DLL1: variants seen among roughly 807,000 people sequenced by gnomAD.
DLL1 encodes delta-like protein 1.
A neutral mutation model predicts 75.1 loss-of-function variants in DLL1; 9 were observed. The observed-to-expected ratio is 0.12, with a 90% CI of 0.07 to 0.21. The LOEUF is 0.21. Among genes scored for constraint, DLL1 ranks in the 10% least tolerant of loss-of-function variants. The pLI, the probability that DLL1 is intolerant of heterozygous loss-of-function variation, is 1.00. For synonymous variants in DLL1, 477 were observed against 418.3 expected (o/e 1.14, Z -1.71); for missense variants, 837 against 1,007.6 (o/e 0.83, Z 2.29).
intron 2 of DLL1, 108 bp downstream of exon 2, chr6:170,289,404 G>A: frequency 1.4e-6 from 2 of 1,472,724 alleles, no homozygotes; most frequent in Non-Finnish European, 9.1e-7. Context: ...CCTGCGCCTC[G>A]CGGGGTCCCC....
At chr6:170,284,150 C>A in intron 8 of DLL1, 121 bp from the exon 9 acceptor site, 4 of 1,280,402 alleles carry the variant, frequency 3.1e-6, no homozygotes, top group Non-Finnish European at 4.4e-6. Flanking sequence ...CAGTCTGTGG[C>A]CTGAATGAGT....
In DLL1 at chr6:170,290,869, G is replaced by C; in HGVS notation, c.-730C>G. The C allele has an allele frequency of 1.5e-6, 1 of 668,894 alleles. No homozygotes were observed. The highest frequency in any genetic ancestry group is 2.7e-6 in the Non-Finnish European group (1 of 368,426). The allele number at this position is 668,894 out of a possible 1,614,324, so 41.4% of individuals were successfully genotyped here. A position where few individuals can be genotyped will look rare whatever the true frequency, so the allele number is the denominator to read the frequency against. ...GGAGGCTCTGCGCCGCGGCTGCCCG[G>C]GTTCCCCTGCGCTCTGCCCTCGGCC... On this transcript the variant is annotated 5_prime_UTR_variant, in exon 1 of 11. Transcript: ENST00000366756. This position sits in a 1 kb window ranked among gnomAD's most constrained non-coding sequence, Gnocchi z 4.7.
rs765291940 is a variant in DLL1, at chr6:170,285,465, C to G, written c.863-42G>C. Reference sequence around the variant, plus strand: ...CAGGAAAAGTAGGAGATAGGAAGCTCGACATCAAATGCAGGAAGACTTTAT... The same window carrying G: ...CAGGAAAAGTAGGAGATAGGAAGCTGGACATCAAATGCAGGAAGACTTTAT... On this transcript the variant is annotated intron_variant, in intron 6 of 10. Transcript: ENST00000366756. 1.2e-6 allele frequency: 2 copies of G among 1,613,944 alleles called. No homozygotes were observed. The highest frequency in any genetic ancestry group is 2.2e-5 in the East Asian group (1 of 44,886).
chr6:170,289,580 G>A lies in DLL1; in HGVS notation c.283C>T (p.Pro95Ser), dbSNP rs779478084. ...GCGGAGTCGGCGCCCCCGCCGTCGG[G>A]CAGACTGAAGGAGTCGACGCCCAGC... is the stretch of plus-strand genomic sequence containing the variant. ...PVLGVDSFSL[P>S]DGGGADSAFS... Residue 95 changes from proline to serine, a missense_variant, in exon 2 of 11, where the codon CCC (proline) becomes TCC (serine). By Grantham distance (74) the Pro-to-Ser change is moderately conservative. Around this residue, in one of 2 missense-constraint regions of DLL1, gnomAD observed 304 missense variants for 461.9 expected, o/e 0.66. Transcript: ENST00000366756. The A allele has an allele frequency of 1.7e-5, 26 of 1,535,350 alleles. No homozygotes were observed. In the Admixed American group the frequency reaches 2.0e-4, roughly 12 times the overall value.
chr6:170,282,827 T>C lies in DLL1; in HGVS notation c.*47A>G, dbSNP rs1783588906. 3.7e-6 allele frequency: 6 copies of C among 1,613,558 alleles called. No individual in the cohort carries two copies. Among genetic ancestry groups the C allele is most frequent in the South Asian group, 2.2e-5 (2 of 91,056 alleles). On this transcript the variant is annotated 3_prime_UTR_variant, in exon 11 of 11. Coordinates refer to ENST00000366756, the MANE Select transcript of DLL1 (RefSeq NM_005618.4). ...TCGTTGGGGCATATATCCTTGGAAT[T>C]TTACTTATTTTAAGAGAAACGGGAG...
At position 170,290,010 on chromosome 6, in the gene DLL1, C is replaced by A; in HGVS notation, c.54+76G>T. On this transcript the variant is annotated intron_variant, in intron 1 of 10. Coordinates refer to ENST00000366756, the MANE Select transcript of DLL1 (RefSeq NM_005618.4). The surrounding 1 kb of genome is among the most constrained non-coding windows in gnomAD (Gnocchi z 4.7). ...CGGCCCGTGCCGCTGTCCGCCCCTC[C>A]CCGCGCGCTCCTGCCCCGCGCCCCG... 1 of 1,388,020 alleles carries A rather than the reference C, an allele frequency of 7.2e-7. No homozygotes were observed. Among genetic ancestry groups the A allele is most frequent in the Non-Finnish European group, 9.3e-7 (1 of 1,079,520 alleles). 86.0% of individuals were successfully genotyped at this position (1,388,020 alleles called of 1,614,324 possible). A position where few individuals can be genotyped will look rare whatever the true frequency, so the allele number is the denominator to read the frequency against.
rs986595583 is a variant in DLL1 at position 170,288,632 on chromosome 6, G to A, written c.412+97C>T. 1.9e-6 allele frequency: 3 copies of A among 1,607,862 alleles called. No homozygotes were observed. The African/African-American group carries it at 4.0e-5, about 21-fold the overall frequency. On this transcript the variant is annotated intron_variant, in intron 3 of 10. Coordinates refer to ENST00000366756, the MANE Select transcript of DLL1 (RefSeq NM_005618.4). ...CCCTGAACTTTCTGGGGCACGTGCAGAATGAAAGCTGTCCGGGTTTGGCTG... is the reference window on the plus strand; with the variant it reads ...CCCTGAACTTTCTGGGGCACGTGCAAAATGAAAGCTGTCCGGGTTTGGCTG...
intron 4 of DLL1, among the ~76,000 whole-genome samples, chr6:170,287,601 G>A (rs536939414): frequency 1.1e-4 from 16 of 152,356 alleles, no homozygotes; most frequent in South Asian, 8.3e-4. Context: ...CTATTGGGAA[G>A]ACATTGCTTC....
Position 170,288,449 on chromosome 6 carries a change from T to A in DLL1, c.460A>T (p.Thr154Ser). The change falls in exon 4 of 11, where the codon ACG (threonine) becomes TCG (serine). Residue 154 changes from threonine (T) to serine (S), a missense_variant. Coordinates refer to ENST00000366756, the MANE Select transcript of DLL1 (RefSeq NM_005618.4). Reference protein sequence around the residue: ...ISRLATQRHLTVGEEWSQDLH... With the variant: ...ISRLATQRHLSVGEEWSQDLH... ...TCCTGGGACCACTCCTCGCCCACCG[T>A]CAGGTGCCTCTGGGTGGCCAGGCGG... 2 of 1,614,106 alleles carry A rather than the reference T, an allele frequency of 1.2e-6. No homozygotes were observed. Among genetic ancestry groups the A allele is most frequent in the Non-Finnish European group, 8.5e-7 (1 of 1,180,034 alleles).
chr6:170,283,160 G>C, intron 9 of DLL1, 55 bp from the exon 10 acceptor site: 1 of 1,613,606 alleles, frequency 6.2e-7, no homozygotes, highest in Non-Finnish European at 8.5e-7. Context: ...TTTGGGAAGA[G>C]AAACGGAGCA....
At position 170,290,709 on chromosome 6, in the gene DLL1, C is replaced by G. The variant is rs1220601629; in HGVS notation, c.-570G>C. On this transcript the variant is annotated 5_prime_UTR_variant, in exon 1 of 11. Coordinates refer to ENST00000366756, the MANE Select transcript of DLL1 (RefSeq NM_005618.4). The surrounding 1 kb of genome is among the most constrained non-coding windows in gnomAD (Gnocchi z 4.7). The stretch of plus-strand genomic sequence containing the variant: ...CTGCGGATCGCGGCCCGGTGTCACT[C>G]GGCGGCGGCGGTCGTTCCGGGAGCA... 3.0e-6 allele frequency: 1 copy of G among 338,344 alleles called. No homozygotes were observed. The highest frequency in any genetic ancestry group is 5.4e-6 in the Non-Finnish European group (1 of 184,526). 21.0% of individuals were successfully genotyped at this position (338,344 alleles called of 1,614,324 possible).
At chr6:170,288,848 A>C in intron 2 of DLL1, 59 bp from the exon 3 acceptor site, 1 of 1,594,718 alleles carries the variant, frequency 6.3e-7, no homozygotes, top group East Asian at 2.2e-5. Context: ...AGAAAACGGC[A>C]AAAAGCAGTC....
chr6:170,288,513 C>T lies in DLL1; in HGVS notation c.413-17G>A. ...CTGGGTTTTCTACGGGGAGAAGATG[C>T]TCCTGGTTGGTTCTGAACGAGAACC... On this transcript the variant is annotated splice_polypyrimidine_tract_variant and intron_variant, in intron 3 of 10. Transcript: ENST00000366756. 2 of 1,614,044 alleles carry T rather than the reference C, an allele frequency of 1.2e-6. No individual in the cohort carries two copies. The highest frequency in any genetic ancestry group is 4.5e-5 in the East Asian group (2 of 44,882).
Position 170,290,831 on chromosome 6 carries a change from C to A in DLL1, c.-692G>T. 1 of 625,898 alleles carries A rather than the reference C, an allele frequency of 1.6e-6. No homozygotes were observed. Among genetic ancestry groups the A allele is most frequent in the South Asian group, 1.8e-5 (1 of 54,400 alleles). The allele number at this position is 625,898 out of a possible 1,614,324, so 38.8% of individuals were successfully genotyped here. Reference sequence around the variant, plus strand: ...GTACACACGCGCAGGACCGGAGGGGCCGGGCCGTGGGAGGAGGCTCTGCGC... The same window carrying A: ...GTACACACGCGCAGGACCGGAGGGGACGGGCCGTGGGAGGAGGCTCTGCGC... On this transcript the variant is annotated 5_prime_UTR_variant, in exon 1 of 11. Coordinates refer to ENST00000366756, the MANE Select transcript of DLL1 (RefSeq NM_005618.4). The surrounding 1 kb of genome is among the most constrained non-coding windows in gnomAD (Gnocchi z 4.7).
intron 2 of DLL1, chr6:170,289,239 C>A (rs1339177301): frequency 1.5e-6 from 1 of 678,176 alleles, no homozygotes; most frequent in South Asian, 1.5e-5. Context: ...GGAGACCTGG[C>A]ACAGAGGCCG....
rs922881572 is a variant in DLL1 at position 170,282,413 on chromosome 6, T to C, written c.*461A>G. 5.0e-6 allele frequency: 1 copy of C among 200,984 alleles called. No individual in the cohort carries two copies. Among genetic ancestry groups the C allele is most frequent in the Non-Finnish European group, 1.0e-5 (1 of 97,594 alleles). The allele number at this position is 200,984 out of a possible 1,614,324, so 12.5% of individuals were successfully genotyped here. On this transcript the variant is annotated 3_prime_UTR_variant, in exon 11 of 11. Transcript: ENST00000366756. Reference sequence around the variant, plus strand: ...AACGAACATCACAAAATACTCAAGCTTTACAGATATCATGAAAAATATTTT... The same window carrying C: ...AACGAACATCACAAAATACTCAAGCCTTACAGATATCATGAAAAATATTTT...
At chr6:170,288,100 A>G in intron 4 of DLL1, 139 bp downstream of exon 4, 1 of 1,303,954 alleles carries the variant, frequency 7.7e-7, no homozygotes, top group African/African-American at 1.5e-5. Context: ...ATAGCAATCC[A>G]CTTCTGTCCT....
intron 4 of DLL1, among the ~76,000 whole-genome samples, chr6:170,286,915 G>GAGCC: frequency 6.6e-6 from 1 of 152,310 alleles, no homozygotes; most frequent in East Asian, 1.9e-4. Flanking sequence ...CGCGAGCTGG[G>GAGCC]GGCGGGGAGA....
At chr6:170,282,963 G>C (rs2114956817) in intron 10 of DLL1, 25 bp downstream of exon 10, 1 of 1,614,192 alleles carries the variant, frequency 6.2e-7, no homozygotes, top group African/African-American at 1.3e-5. Context: ...CCGAGGAGGA[G>C]GGAGCGGCTG....
Sources: allele counts gnomAD v4.1 joint callset (sites outside exome capture counted in the v4.1 genomes callset), GRCh38; gene constraint gnomAD v4.1.1; regional missense constraint gnomAD v4.1.1; non-coding constraint Gnocchi (gnomAD v3.1); transcripts MANE v1.5; gene names NCBI Gene and HGNC (gene_info 2026-07-23, HGNC 2026-07-21).